The following ANKRD45 variants were observed in gnomAD, a reference collection of about 807,000 sequenced individuals.
ANKRD45 encodes ankyrin repeat domain 45.
A neutral mutation model predicts 28.1 loss-of-function variants in ANKRD45; 21 were observed. That is an observed-to-expected ratio of 0.75 (90% CI 0.53 to 1.08). The LOEUF (loss-of-function observed/expected upper bound fraction) is 1.08, where lower values mean the gene tolerates loss of function less well. ANKRD45 is among the 50% of genes least tolerant of loss of function. The pLI is 0.00. For synonymous variants in ANKRD45, 86 were observed against 103.9 expected, an observed-to-expected ratio of 0.83 and a Z score of 1.05; for missense variants, 261 against 308.7, an observed-to-expected ratio of 0.85 and a Z score of 1.16.
intron 5 of ANKRD45, among the ~76,000 whole-genome samples, chr1:173,612,471 G>C (rs1026263511): frequency 1.3e-5 from 2 of 152,214 alleles, no homozygotes; most frequent in African/African-American, 2.4e-5. Context: ...AGCATGAAAA[G>C]ATGCTCAGAA....
chr1:173,636,458 A>C (rs189101400), intron 3 of ANKRD45, among the ~76,000 whole-genome samples: 1 of 152,148 alleles, frequency 6.6e-6, no homozygotes, highest in African/African-American at 2.4e-5. Flanking sequence ...GATATTTATA[A>C]ATGTTTTCTT....
the ANKRD45 span, among the ~76,000 whole-genome samples, chr1:173,702,873 C>A: frequency 1.3e-5 from 2 of 151,904 alleles, no homozygotes; most frequent in African/African-American, 2.4e-5. Context: ...TAGACATGCA[C>A]CACCACCATG....
intron 2 of ANKRD45, chr1:173,658,805 T>A (rs1242318749): frequency 8.0e-6 from 2 of 250,626 alleles, no homozygotes; most frequent in African/African-American, 4.5e-5. Flanking sequence ...AAAATATAAT[T>A]ATTATCCCCA....
chr1:173,645,603 A>G lies in ANKRD45; in HGVS notation c.496+1243T>C, dbSNP rs565276257. On this transcript the variant is annotated intron_variant, in intron 3 of 5. Coordinates refer to ENST00000333279, the MANE Select transcript of ANKRD45 (RefSeq NM_198493.3). ...CTTGTCCAAGGTCACATAGGTTTCA[A>G]GTAGGGACACCAGTATTTAAACTCA... Among the ~76,000 whole-genome samples, 3 of 152,332 alleles carry G rather than the reference A, an allele frequency of 2.0e-5. No individual in the cohort carries two copies. The East Asian group carries it at 5.8e-4, about 29-fold the overall frequency.
the ANKRD45 span, among the ~76,000 whole-genome samples, chr1:173,676,244 A>C: frequency 5.9e-5 from 9 of 152,232 alleles, no homozygotes; most frequent in Non-Finnish European, 1.3e-4. Context: ...GCACTTATGC[A>C]AATAATTGTA....
chr1:173,621,101 C>T (rs1462937186), intron 5 of ANKRD45, among the ~76,000 whole-genome samples: 1 of 152,028 alleles, frequency 6.6e-6, no homozygotes, highest in Non-Finnish European at 1.5e-5. Context: ...AAAGACTGAA[C>T]CAGGAAGAAA....
upstream of ANKRD45, among the ~76,000 whole-genome samples, chr1:173,674,506 G>A (rs188445258): frequency 2.5e-3 from 378 of 152,316 alleles, 1 homozygote; most frequent in Non-Finnish European, 4.2e-3. Context: ...GGTGGTTAGA[G>A]CAGTCCCCAA....
chr1:173,661,586 G>A (rs1157744315), intron 1 of ANKRD45, among the ~76,000 whole-genome samples: 4 of 152,154 alleles, frequency 2.6e-5, no homozygotes, highest in Admixed American at 6.5e-5. Context: ...AGATTGATCC[G>A]ACAAGCCTGA....
At chr1:173,687,650 G>A in the ANKRD45 span, among the ~76,000 whole-genome samples, 3 of 151,938 alleles carry the variant, frequency 2.0e-5, no homozygotes, top group African/African-American at 4.8e-5. Context: ...TTATTAATAC[G>A]ACCTTGTTTT....
At chr1:173,698,953 C>G in the ANKRD45 span, among the ~76,000 whole-genome samples, 3 of 151,366 alleles carry the variant, frequency 2.0e-5, no homozygotes, top group African/African-American at 7.3e-5. Context: ...AAAGAAAGAA[C>G]AATCAAATAG....
At position 173,612,319 on chromosome 1, in the gene ANKRD45, AGAAGGAAGGAAG is replaced by A. The variant is rs200258529; in HGVS notation, c.731-2116_731-2105del. On this transcript the variant is annotated intron_variant, in intron 5 of 5. Transcript: ENST00000333279. The stretch of plus-strand genomic sequence containing the variant: ...AAGAAGGAAAGAAGGAAGGAAGGAA[AGAAGGAAGGAAG>A]GAAGGAAGGAAGGAAGGAAGGAAGG... 3.6e-3 allele frequency among the ~76,000 whole-genome samples: 464 copies of A among 130,322 alleles called. 2 individuals carry two copies. Among genetic ancestry groups the A allele is most frequent in the African/African-American group, 6.9e-3 (224 of 32,360 alleles). The allele number at this position is 130,322 out of a possible 152,430, so 85.5% of individuals were successfully genotyped here. A position where few individuals can be genotyped will look rare whatever the true frequency, so the allele number is the denominator to read the frequency against.
chr1:173,682,650 T>C, the ANKRD45 span, among the ~76,000 whole-genome samples: 4 of 148,044 alleles, frequency 2.7e-5, no homozygotes, highest in African/African-American at 5.1e-5. Flanking sequence ...GACGAGGTTC[T>C]AGGAGAGGGA....
intron 2 of ANKRD45, among the ~76,000 whole-genome samples, chr1:173,648,817 T>C (rs1669048592): frequency 6.6e-6 from 1 of 152,200 alleles, no homozygotes; most frequent in African/African-American, 2.4e-5. Context: ...TTTGGGTCTC[T>C]CCTTTTCCTT....
chr1:173,631,032 T>C (rs61826760), intron 3 of ANKRD45, among the ~76,000 whole-genome samples: 23,297 of 151,654 alleles, frequency 0.15, 2,119 homozygotes, highest in Middle Eastern at 0.31. Flanking sequence ...CATAGAGTGG[T>C]TGAAGAGATA....
rs965483703 is a variant in ANKRD45, at chr1:173,635,755, C to T, written c.497-8596G>A. ...ATATATTTCAGGGTTGTTTATATCT[C>T]ATTTATAATTTATTACAAGCTGTCT... On this transcript the variant is annotated intron_variant, in intron 3 of 5. Transcript: ENST00000333279. 5 of 1,535,180 alleles carry T rather than the reference C, an allele frequency of 3.3e-6. No individual in the cohort carries two copies. In the Admixed American group the frequency reaches 9.8e-5, roughly 30 times the overall value.
At chr1:173,612,303 A>G (rs375557829) in intron 5 of ANKRD45, among the ~76,000 whole-genome samples, 21 of 114,394 alleles carry the variant, frequency 1.8e-4, no homozygotes, top group African/African-American at 4.0e-4. Flanking sequence ...AAAGAAGGAA[A>G]GAAGGAAGGA....
At chr1:173,681,327 C>T in the ANKRD45 span, among the ~76,000 whole-genome samples, 1 of 152,118 alleles carries the variant, frequency 6.6e-6, no homozygotes, top group Non-Finnish European at 1.5e-5. Context: ...ACATGATAGA[C>T]ATTTCTAATA....
At chr1:173,695,946 A>G in the ANKRD45 span, among the ~76,000 whole-genome samples, 2 of 152,312 alleles carry the variant, frequency 1.3e-5, no homozygotes, top group South Asian at 2.1e-4. Flanking sequence ...GATGTTATCC[A>G]TGACAATGCA....
the ANKRD45 span, among the ~76,000 whole-genome samples, chr1:173,698,049 T>C: frequency 0.25 from 37,251 of 150,598 alleles, 5,042 homozygotes; most frequent in Middle Eastern, 0.38. Context: ...TTAAAACCAA[T>C]AAAGATCAAA....
Sources: gnomAD v4.1 joint callset for allele counts (sites outside exome capture counted in the v4.1 genomes callset) on GRCh38, gnomAD v4.1.1 for gene constraint, MANE v1.5 for transcripts, NCBI Gene and HGNC (gene_info 2026-07-23, HGNC 2026-07-21) for gene names.